The following C1orf159 variants were observed in gnomAD, a reference collection of about 807,000 sequenced individuals.
C1orf159 encodes the protein chromosome 1 open reading frame 159.
C1orf159 carries 19 observed loss-of-function variants against 25.6 expected under a neutral mutation model. That is an observed-to-expected ratio of 0.74 (90% confidence interval 0.52 to 1.09). The LOEUF (loss-of-function observed/expected upper bound fraction) is 1.09. Among genes scored for constraint, C1orf159 ranks in the 50% least tolerant of loss-of-function variants. The pLI is 0.00. For synonymous variants in C1orf159, 139 were observed against 124.7 expected, an observed-to-expected ratio of 1.12 and a Z score of -0.77; for missense variants, 274 against 290.6, an observed-to-expected ratio of 0.94 and a Z score of 0.42.
intron 6 of C1orf159, among the ~76,000 whole-genome samples, chr1:1,086,455 C>G (rs935768078): frequency 6.6e-6 from 1 of 152,244 alleles, no homozygotes; most frequent in Non-Finnish European, 1.5e-5. Flanking sequence ...CCACTCACCT[C>G]CACCTGCCTG....
rs1212992533 is a variant in C1orf159 at position 1,110,621 on chromosome 1, A to G, written c.-136+5439T>C. Among the ~76,000 whole-genome samples, 1 of 151,304 alleles carries G rather than the reference A, an allele frequency of 6.6e-6. No individual in the cohort carries two copies. Among genetic ancestry groups the G allele is most frequent in the Non-Finnish European group, 1.5e-5 (1 of 68,012 alleles). On this transcript the variant is annotated intron_variant, in intron 1 of 9. Transcript: ENST00000421241. This position sits in a 1 kb window ranked among gnomAD's most constrained non-coding sequence, Gnocchi z 4.8. ...CTCAGCCTCTCGGCTGTGGGGACAC[A>G]CAGAACCGCTGGGACTTCCACACCT...
intron 1 of C1orf159, among the ~76,000 whole-genome samples, chr1:1,107,072 G>A (rs974541366): frequency 3.3e-5 from 5 of 151,704 alleles, no homozygotes; most frequent in South Asian, 4.2e-4. Flanking sequence ...CACACAGCCC[G>A]AGCCTCCCCA....
intron 1 of C1orf159, among the ~76,000 whole-genome samples, chr1:1,111,689 C>G (rs1646258646): frequency 6.6e-6 from 1 of 152,204 alleles, no homozygotes; most frequent in South Asian, 2.1e-4. Context: ...CTCCAGCCGC[C>G]CAGGCAGCAG....
rs1019181446 is a variant in C1orf159, at chr1:1,103,952, A to C, written c.-135-11849T>G. 2.6e-5 allele frequency among the ~76,000 whole-genome samples: 4 copies of C among 151,444 alleles called. No homozygotes were observed. The East Asian group carries it at 7.8e-4, about 29-fold the overall frequency. ...CGTCTCAGCCTCCCAAAATCCTGGG[A>C]TTACAGGAGTGAGCTGCCCTGCCAG... On this transcript the variant is annotated intron_variant, in intron 1 of 9. Transcript: ENST00000421241.
intron 3 of C1orf159, chr1:1,090,674 A>G: frequency 1.4e-6 from 1 of 692,094 alleles, no homozygotes; most frequent in Non-Finnish European, 2.5e-6. Context: ...CTGGGCCTGG[A>G]AGAGTAAACC....
intron 1 of C1orf159, among the ~76,000 whole-genome samples, chr1:1,107,985 G>A (rs143162672): frequency 1.3e-3 from 200 of 152,308 alleles, no homozygotes; most frequent in African/African-American, 4.6e-3. Context: ...CACTCACTGC[G>A]AGGGTCTGCG....
chr1:1,103,545 AGGTCACTGCATGGCACAG>A, intron 1 of C1orf159, among the ~76,000 whole-genome samples: 1 of 152,354 alleles, frequency 6.6e-6, no homozygotes, highest in Non-Finnish European at 1.5e-5. Flanking sequence ...GCGGTGGCTC[AGGTCACTGCATGGCACAG>A]GGTGCACGCA....
chr1:1,111,951 G>A (rs1312565278), intron 1 of C1orf159, among the ~76,000 whole-genome samples: 1 of 152,240 alleles, frequency 6.6e-6, no homozygotes, highest in Non-Finnish European at 1.5e-5. Flanking sequence ...ACCCCTTGAT[G>A]GGGTGTAAAG....
Position 1,087,067 on chromosome 1 carries a change from G to T in C1orf159, c.310+72C>A. 2 of 1,437,770 alleles carry T rather than the reference G, an allele frequency of 1.4e-6. No homozygotes were observed. The highest frequency in any genetic ancestry group is 9.6e-7 in the Non-Finnish European group (1 of 1,044,998). The allele number at this position is 1,437,770 out of a possible 1,614,324, so 89.1% of individuals were successfully genotyped here. A position where few individuals can be genotyped will look rare whatever the true frequency, so the allele number is the denominator to read the frequency against. ...TGCTGTGGCTGCGTCAAGGGTGAGGGTCTGCACTGGCTCCGACGGCCCCCA... is the reference window on the plus strand; with the variant it reads ...TGCTGTGGCTGCGTCAAGGGTGAGGTTCTGCACTGGCTCCGACGGCCCCCA... On this transcript the variant is annotated intron_variant, in intron 6 of 9. Transcript: ENST00000421241. This position sits in a 1 kb window ranked among gnomAD's most constrained non-coding sequence, Gnocchi z 8.3.
rs778088850 is a variant in C1orf159 at position 1,086,027 on chromosome 1, C to G, written c.311-15G>C. On this transcript the variant is annotated splice_polypyrimidine_tract_variant and intron_variant, in intron 6 of 9. Transcript: ENST00000421241. Reference sequence around the variant, plus strand: ...GCGCGGAGCCCCTGCAAACAGACACCGCTGAGCAGACGGGCAGGACGGTGG... The same window carrying G: ...GCGCGGAGCCCCTGCAAACAGACACGGCTGAGCAGACGGGCAGGACGGTGG... 25 of 1,612,180 alleles carry G rather than the reference C, an allele frequency of 1.6e-5. 1 individual carries two copies. The highest frequency in any genetic ancestry group is 7.7e-5 in the South Asian group (7 of 91,050).
intron 1 of C1orf159, chr1:1,106,613 A>C (rs1283930324): frequency 1.3e-5 from 2 of 152,322 alleles, no homozygotes; most frequent in African/African-American, 4.8e-5. Flanking sequence ...ACCATGTCTT[A>C]GTGAAAGGTG....
chr1:1,099,473 G>GGAGAGAGAGAGGTTAAAAT, intron 1 of C1orf159, among the ~76,000 whole-genome samples: 1 of 130,268 alleles, frequency 7.7e-6, no homozygotes, highest in Non-Finnish European at 1.6e-5. Context: ...TCTAAGAATT[G>GGAGAGAGAGAGGTTAAAAT]CAGAGAGAGA....
chr1:1,083,075 G>T (rs2100737086), intron 9 of C1orf159, 88 bp from the exon 10 acceptor site: 2 of 1,168,710 alleles, frequency 1.7e-6, no homozygotes, highest in South Asian at 3.1e-5. Flanking sequence ...AGGCTCTCGG[G>T]AGTGGGCATA....
At chr1:1,085,790 G>T in intron 7 of C1orf159, 88 bp downstream of exon 7, 1 of 1,516,632 alleles carries the variant, frequency 6.6e-7, no homozygotes, top group East Asian at 2.4e-5. Flanking sequence ...GCTCTGGCCT[G>T]GGACACTCCA....
rs1289318867 is a variant in C1orf159, at chr1:1,089,527, C to T, written c.148+826G>A. Among the ~76,000 whole-genome samples the T allele has an allele frequency of 1.3e-5, 2 of 152,132 alleles. No individual in the cohort carries two copies. The highest frequency in any genetic ancestry group is 2.9e-5 in the Non-Finnish European group (2 of 68,014). ...CACTGCCTTCCTGTGGGCTCCCCAA[C>T]CCCCACGCCCAGCCTCGGACCCCCG... On this transcript the variant is annotated intron_variant, in intron 4 of 9. Coordinates refer to ENST00000421241, the MANE Select transcript of C1orf159 (RefSeq NM_017891.5). The surrounding 1 kb of genome is among the most constrained non-coding windows in gnomAD (Gnocchi z 7.5).
intron 1 of C1orf159, among the ~76,000 whole-genome samples, chr1:1,115,542 CT>C (rs1188020642): frequency 8.5e-6 from 1 of 117,322 alleles, no homozygotes; most frequent in Non-Finnish European, 1.9e-5. Context: ...GGTGCCCCCT[CT>C]CCCCCAGAGA....
At position 1,085,810 on chromosome 1, in the gene C1orf159, C is replaced by T; in HGVS notation, c.445+68G>A. Reference sequence around the variant, plus strand: ...GGCCTGGGACACTCCAGTCTCAGGCCCATCTCCACGGCTGGATGCCGCCTG... The same window carrying T: ...GGCCTGGGACACTCCAGTCTCAGGCTCATCTCCACGGCTGGATGCCGCCTG... On this transcript the variant is annotated intron_variant, in intron 7 of 9. Transcript: ENST00000421241. 4 of 1,577,128 alleles carry T rather than the reference C, an allele frequency of 2.5e-6. No homozygotes were observed. In the Admixed American group the frequency reaches 5.3e-5, roughly 21 times the overall value.
chr1:1,108,001 A>G (rs904947232), intron 1 of C1orf159, among the ~76,000 whole-genome samples: 1 of 152,264 alleles, frequency 6.6e-6, no homozygotes, highest in African/African-American at 2.4e-5. Context: ...CTGCGGCTTC[A>G]TTCTTGAAGT....
At chr1:1,113,899 C>T (rs140808946) in intron 1 of C1orf159, among the ~76,000 whole-genome samples, 29 of 150,480 alleles carry the variant, frequency 1.9e-4, no homozygotes, top group African/African-American at 5.9e-4. Flanking sequence ...GTTGTGCGCA[C>T]GCTCCCTCGA....
Sources: gnomAD v4.1 joint callset for allele counts (sites outside exome capture counted in the v4.1 genomes callset) on GRCh38, gnomAD v4.1.1 for gene constraint, Gnocchi (gnomAD v3.1) non-coding constraint, MANE v1.5 for transcripts, NCBI Gene and HGNC (gene_info 2026-07-23, HGNC 2026-07-21) for gene names.